The following TBC1D22A variants were observed in gnomAD, a reference collection of about 807,000 sequenced individuals.
The protein encoded by TBC1D22A is TBC1 domain family member 22A, also known as putative GTPase activator.
In TBC1D22A, 38 loss-of-function variants were observed where a neutral mutation model predicts 60.2. That is an observed-to-expected ratio of 0.63 (90% CI 0.49 to 0.83). The LOEUF (loss-of-function observed/expected upper bound fraction) is 0.83, where lower values mean the gene tolerates loss of function less well. Among genes scored for constraint, TBC1D22A ranks in the 40% least tolerant of loss-of-function variants. The probability of loss-of-function intolerance (pLI) is 0.00; values close to 1 mark genes in which losing one functional copy is unlikely to be tolerated. For missense variants in TBC1D22A, 628 were observed against 701.0 expected, an observed-to-expected ratio of 0.90 and a Z score of 1.18; for synonymous variants, 302 against 281.7, an observed-to-expected ratio of 1.07 and a Z score of -0.72.
At position 47,028,995 on chromosome 22, in the gene TBC1D22A, C is replaced by T. The variant is rs1841479947; in HGVS notation, c.1202-8076C>T. 6.6e-6 allele frequency among the ~76,000 whole-genome samples: 1 copy of T among 152,212 alleles called. No individual in the cohort carries two copies. Among genetic ancestry groups the T allele is most frequent in the Non-Finnish European group, 1.5e-5 (1 of 68,034 alleles). On this transcript the variant is annotated intron_variant, in intron 10 of 12. Transcript: ENST00000337137. The surrounding 1 kb of genome is among the most constrained non-coding windows in gnomAD (Gnocchi z 4.4). ...GTCCCCAGGCCACCTGCACCTCTGC[C>T]CAGCTGGCTGTAAATTCAGTGGTGT...
At chr22:46,953,486 G>GT (rs136080) in intron 8 of TBC1D22A, among the ~76,000 whole-genome samples, 65,778 of 151,458 alleles carry the variant, frequency 0.43, 15,235 homozygotes, top group African/African-American at 0.61. Context: ...ATAATTTCCT[G>GT]TTTTTTTTCA....
chr22:46,850,705 G>C (rs934142721), intron 4 of TBC1D22A, among the ~76,000 whole-genome samples: 3 of 152,164 alleles, frequency 2.0e-5, no homozygotes, highest in African/African-American at 4.8e-5. Flanking sequence ...GTATATTCCC[G>C]AGAGAAATGA....
At chr22:47,111,693 AAG>A (rs2065852226) in intron 12 of TBC1D22A, 90 bp downstream of exon 12, 2 of 1,265,746 alleles carry the variant, frequency 1.6e-6, no homozygotes, top group Non-Finnish European at 2.2e-6. Context: ...TTATTTGTGG[AAG>A]AGTTTTGAGA....
rs564664458 is a variant in TBC1D22A at position 46,993,400 on chromosome 22, C to T, written c.1126-4234C>T. Among the ~76,000 whole-genome samples, 28 of 152,282 alleles carry T rather than the reference C, an allele frequency of 1.8e-4. No homozygotes were observed. The East Asian group carries it at 5.4e-3, about 29-fold the overall frequency. ...GATGCATATGTTTTATAAATTATAT[C>T]CTTTTTTAAAGATACCAGATCTCAA... On this transcript the variant is annotated intron_variant, in intron 9 of 12. Transcript: ENST00000337137.
chr22:47,173,445 G>A (rs920194528), intron 12 of TBC1D22A, 53 bp from the exon 13 acceptor site: 61 of 1,593,802 alleles, frequency 3.8e-5, no homozygotes, highest in Non-Finnish European at 5.1e-5. Context: ...GGGGTCACCC[G>A]CCCTCCACCG....
At chr22:46,837,885 A>AC (rs1023338538) in intron 4 of TBC1D22A, among the ~76,000 whole-genome samples, 4 of 152,132 alleles carry the variant, frequency 2.6e-5, no homozygotes, top group African/African-American at 9.7e-5. Flanking sequence ...AGATGGTGAA[A>AC]CCCCATCTTT....
At chr22:47,031,579 G>A (rs2062475244) in intron 10 of TBC1D22A, among the ~76,000 whole-genome samples, 1 of 152,232 alleles carries the variant, frequency 6.6e-6, no homozygotes, top group Non-Finnish European at 1.5e-5. Context: ...CAGGGCGCAG[G>A]TGCCCAGAGA....
chr22:47,042,962 A>G (rs2062899380), intron 11 of TBC1D22A, among the ~76,000 whole-genome samples: 1 of 152,238 alleles, frequency 6.6e-6, no homozygotes, highest in Non-Finnish European at 1.5e-5. Context: ...GATATCTCTC[A>G]GGACAGAGCT....
At chr22:47,095,700 C>A (rs1210861224) in intron 11 of TBC1D22A, among the ~76,000 whole-genome samples, 1 of 152,252 alleles carries the variant, frequency 6.6e-6, no homozygotes, top group African/African-American at 2.4e-5. Flanking sequence ...TTCTCTCAAA[C>A]TCCAGGGCCC....
intron 11 of TBC1D22A, among the ~76,000 whole-genome samples, chr22:47,053,746 G>T (rs2063303489): frequency 6.6e-6 from 1 of 152,244 alleles, no homozygotes; most frequent in African/African-American, 2.4e-5. Context: ...ATTCACTGGC[G>T]TTGGCTGAGC....
chr22:46,907,070 TG>T (rs1050278942), intron 7 of TBC1D22A, among the ~76,000 whole-genome samples: 3 of 136,032 alleles, frequency 2.2e-5, no homozygotes, highest in East Asian at 3.0e-4. Flanking sequence ...TCTCCACATG[TG>T]TGCTCTTCTG....
Position 47,175,555 on chromosome 22 carries a change from C to G in TBC1D22A, c.*1929C>G, listed in dbSNP as rs1473564943. 1 of 152,184 alleles carries G rather than the reference C, an allele frequency of 6.6e-6. No individual in the cohort carries two copies. The highest frequency in any genetic ancestry group is 2.4e-5 in the African/African-American group (1 of 41,364). 9.4% of individuals were successfully genotyped at this position (152,184 alleles called of 1,614,324 possible). On this transcript the variant is annotated 3_prime_UTR_variant, in exon 13 of 13. Transcript: ENST00000337137. ...CGGAGTTCAGCCCTGTGTGCATTTC[C>G]TCATGTATGTAAACGCCAAGACTGA...
intron 1 of TBC1D22A, among the ~76,000 whole-genome samples, chr22:46,778,342 T>C (rs1380164736): frequency 6.6e-6 from 1 of 152,230 alleles, no homozygotes; most frequent in African/African-American, 2.4e-5. Context: ...AAAAACTTTT[T>C]GACTCCTTTC....
intron 12 of TBC1D22A, among the ~76,000 whole-genome samples, 154 bp from the exon 13 acceptor site, chr22:47,173,342 TTG>T (rs1422067535): frequency 2.0e-5 from 3 of 152,010 alleles, no homozygotes; most frequent in African/African-American, 7.2e-5. Flanking sequence ...TGACCTGGGC[TTG>T]TGTCTTTCTC....
chr22:47,029,331 C>A (rs569509885), intron 10 of TBC1D22A, among the ~76,000 whole-genome samples: 1 of 152,320 alleles, frequency 6.6e-6, no homozygotes, highest in South Asian at 2.1e-4. Flanking sequence ...CGCTTCCATA[C>A]CCCTCCCAAT....
chr22:47,127,078 A>G (rs1470534493), intron 12 of TBC1D22A, among the ~76,000 whole-genome samples: 1 of 152,134 alleles, frequency 6.6e-6, no homozygotes, highest in African/African-American at 2.4e-5. Context: ...AGGCAGGGGA[A>G]AAATTAATTC....
chr22:46,856,150 G>A (rs1378109148), intron 4 of TBC1D22A, among the ~76,000 whole-genome samples: 5 of 152,184 alleles, frequency 3.3e-5, no homozygotes, highest in South Asian at 4.1e-4. Context: ...GGTACAGCAC[G>A]TGCCAGAGAG....
intron 8 of TBC1D22A, among the ~76,000 whole-genome samples, chr22:46,932,753 C>G (rs1455893717): frequency 1.8e-5 from 2 of 112,918 alleles, no homozygotes; most frequent in Non-Finnish European, 1.6e-5. Context: ...GAGATGGAGT[C>G]TCGCCCTGTT....
intron 11 of TBC1D22A, among the ~76,000 whole-genome samples, chr22:47,040,978 G>A (rs1447605943): frequency 6.6e-6 from 1 of 152,150 alleles, no homozygotes; most frequent in Non-Finnish European, 1.5e-5. Context: ...GGTTACTTAC[G>A]CTGCTTTAGA....
Sources: gnomAD v4.1 joint callset for allele counts (sites outside exome capture counted in the v4.1 genomes callset) on GRCh38, gnomAD v4.1.1 for gene constraint, Gnocchi (gnomAD v3.1) non-coding constraint, MANE v1.5 for transcripts, NCBI Gene and HGNC (gene_info 2026-07-23, HGNC 2026-07-21) for gene names.